MCPH1: variants seen among roughly 807,000 people sequenced by gnomAD.
The protein encoded by MCPH1 is microcephalin 1, also known as microcephalin.
In MCPH1, 104 loss-of-function variants were observed where a neutral mutation model predicts 84.5. That is an observed-to-expected ratio of 1.23 (90% confidence interval 1.05 to 1.45). The LOEUF (loss-of-function observed/expected upper bound fraction) is 1.45. Ranked by LOEUF, MCPH1 falls within the 40% of genes most tolerant of loss-of-function variation. MCPH1 has a pLI of 0.00. For synonymous variants in MCPH1, 514 were observed against 366.8 expected, an observed-to-expected ratio of 1.40 and a Z score of -4.58; for missense variants, 1,498 against 1,005.7, an observed-to-expected ratio of 1.49 and a Z score of -6.62.
chr8:6,445,895 A>G (rs1176615815), intron 8 of MCPH1: 1 of 1,023,590 alleles, frequency 9.8e-7, no homozygotes, highest in Non-Finnish European at 1.2e-6. Flanking sequence ...GTGTGTAAAG[A>G]TGTATACGAT....
chr8:6,558,883 T>C (rs1402194050), intron 12 of MCPH1, among the ~76,000 whole-genome samples: 1 of 152,122 alleles, frequency 6.6e-6, no homozygotes, highest in Non-Finnish European at 1.5e-5. Context: ...TAGGCACATA[T>C]CATACTATAC....
At chr8:6,547,463 C>G (rs569410806) in intron 12 of MCPH1, among the ~76,000 whole-genome samples, 4 of 152,162 alleles carry the variant, frequency 2.6e-5, no homozygotes, top group African/African-American at 9.7e-5. Flanking sequence ...CCATTCAGAA[C>G]TGACGTTTTC....
At chr8:6,537,721 T>C (rs1820765510) in intron 12 of MCPH1, among the ~76,000 whole-genome samples, 1 of 152,160 alleles carries the variant, frequency 6.6e-6, no homozygotes, top group Non-Finnish European at 1.5e-5. Context: ...TCTGGCTATC[T>C]TCCTTCTCAC....
At chr8:6,626,830 C>T (rs1051650828) in intron 13 of MCPH1, 2 of 985,072 alleles carry the variant, frequency 2.0e-6, no homozygotes, top group Non-Finnish European at 2.4e-6. Context: ...ACTCTTCCCT[C>T]CCTGCTGCTG....
At chr8:6,558,517 C>T (rs1019961717) in intron 12 of MCPH1, among the ~76,000 whole-genome samples, 4 of 152,146 alleles carry the variant, frequency 2.6e-5, no homozygotes, top group Non-Finnish European at 2.9e-5. Context: ...GACCATTATC[C>T]TTCTCAAGTT....
At chr8:6,406,990 C>T (rs1180322035) in intron 1 of MCPH1, 7 of 444,442 alleles carry the variant, frequency 1.6e-5, no homozygotes, top group East Asian at 4.9e-5. Flanking sequence ...CTGCTTGTGC[C>T]CCAACCCCCG....
At chr8:6,410,967 G>C (rs2129551024) in intron 2 of MCPH1, among the ~76,000 whole-genome samples, 1 of 152,250 alleles carries the variant, frequency 6.6e-6, no homozygotes, top group Admixed American at 6.5e-5. Context: ...GCACACACCT[G>C]TAGTCTCAGT....
rs1018923672 is a variant in MCPH1 at position 6,446,104 on chromosome 8, C to T, written c.1825+557C>T. On this transcript the variant is annotated intron_variant, in intron 8 of 13. Transcript: ENST00000344683. ...TTTAAACATTTTTGATCATTTGTAA[C>T]AAGCCTTGTTTAACTTGTACTTATT... 3.9e-5 allele frequency: 38 copies of T among 973,202 alleles called. No individual in the cohort carries two copies. The African/African-American group carries it at 6.5e-4, about 17-fold the overall frequency. The allele number at this position is 973,202 out of a possible 1,614,324, so 60.3% of individuals were successfully genotyped here.
At chr8:6,599,548 C>A (rs1829205816) in intron 12 of MCPH1, among the ~76,000 whole-genome samples, 1 of 152,172 alleles carries the variant, frequency 6.6e-6, no homozygotes, top group Non-Finnish European at 1.5e-5. Flanking sequence ...AGGAACAGGG[C>A]TTGATGTAAT....
chr8:6,592,473 A>G (rs1828544089), intron 12 of MCPH1, among the ~76,000 whole-genome samples: 1 of 152,110 alleles, frequency 6.6e-6, no homozygotes, highest in Admixed American at 6.5e-5. Context: ...TAACTATTAT[A>G]TATTTCACAG....
At chr8:6,432,276 A>C (rs1801953960) in intron 4 of MCPH1, among the ~76,000 whole-genome samples, 1 of 152,218 alleles carries the variant, frequency 6.6e-6, no homozygotes, top group African/African-American at 2.4e-5. Context: ...CCTCCCATGT[A>C]CTTTAAGTAA....
intron 12 of MCPH1, among the ~76,000 whole-genome samples, chr8:6,543,304 A>G (rs1318648937): frequency 2.0e-5 from 3 of 152,186 alleles, no homozygotes; most frequent in Admixed American, 1.3e-4. Context: ...CGCCGTCCGC[A>G]AATGTGTTTG....
chr8:6,523,745 G>A (rs574494738), intron 12 of MCPH1, among the ~76,000 whole-genome samples: 35 of 152,192 alleles, frequency 2.3e-4, no homozygotes, highest in African/African-American at 8.2e-4. Flanking sequence ...GTGCCACCAC[G>A]CCCAGCTAAT....
intron 8 of MCPH1, among the ~76,000 whole-genome samples, chr8:6,450,573 A>G (rs1804977386): frequency 6.6e-6 from 1 of 150,890 alleles, no homozygotes; most frequent in Non-Finnish European, 1.5e-5. Flanking sequence ...ATTTAAGCCA[A>G]TTCAGTGTTC....
chr8:6,626,558 A>C, intron 13 of MCPH1: 1 of 984,060 alleles, frequency 1.0e-6, no homozygotes, highest in Non-Finnish European at 1.2e-6. Context: ...AACAAAAATC[A>C]AATTCCCGGC....
intron 9 of MCPH1, among the ~76,000 whole-genome samples, chr8:6,462,558 G>A (rs1308151639): frequency 6.6e-6 from 1 of 152,152 alleles, no homozygotes; most frequent in African/African-American, 2.4e-5. Flanking sequence ...TTCAGTAAAA[G>A]ATGGATTCTC....
At chr8:6,416,722 G>A (rs891588284) in intron 3 of MCPH1, among the ~76,000 whole-genome samples, 92 of 152,268 alleles carry the variant, frequency 6.0e-4, no homozygotes, top group African/African-American at 1.8e-3. Context: ...GGCCGGATGC[G>A]GTGGCTCACA....
chr8:6,427,324 G>A (rs1319334427), intron 3 of MCPH1, among the ~76,000 whole-genome samples: 1 of 152,160 alleles, frequency 6.6e-6, no homozygotes, highest in Non-Finnish European at 1.5e-5. Flanking sequence ...ACGTCATACA[G>A]TTAGGTTACA....
intron 6 of MCPH1, among the ~76,000 whole-genome samples, chr8:6,441,393 A>G (rs1038566573): frequency 1.3e-5 from 1 of 75,468 alleles, no homozygotes; most frequent in African/African-American, 2.7e-5. Flanking sequence ...ATCTTGGTTT[A>G]TTCTCTTTTT....
Sources: gnomAD v4.1 joint callset for allele counts (sites outside exome capture counted in the v4.1 genomes callset) on GRCh38, gnomAD v4.1.1 for gene constraint, MANE v1.5 for transcripts, NCBI Gene and HGNC (gene_info 2026-07-23, HGNC 2026-07-21) for gene names.